HSD17B3: variants seen among roughly 807,000 people sequenced by gnomAD.
HSD17B3 encodes the protein hydroxysteroid 17-beta dehydrogenase 3, also known as 17-beta-hydroxysteroid dehydrogenase type 3.
In HSD17B3, 29 loss-of-function variants were observed where a neutral mutation model predicts 41.1. The observed-to-expected ratio is 0.71, with a 90% CI of 0.53 to 0.96. The LOEUF is 0.96. HSD17B3 is among the 40% of genes least tolerant of loss of function. The probability of loss-of-function intolerance (pLI) is 0.00; values close to 1 mark genes in which losing one functional copy is unlikely to be tolerated. For synonymous variants in HSD17B3, 126 were observed against 145.6 expected (o/e 0.87, Z 0.97); for missense variants, 323 against 374.6 (o/e 0.86, Z 1.14).
chr9:96,273,909 T>C (rs1388784456), intron 2 of HSD17B3, among the ~76,000 whole-genome samples: 1 of 152,040 alleles, frequency 6.6e-6, no homozygotes, highest in African/African-American at 2.4e-5. Flanking sequence ...CACTCAACCA[T>C]AGGTGAGGGT....
At chr9:96,275,655 T>C (rs1376464371) in intron 2 of HSD17B3, among the ~76,000 whole-genome samples, 1 of 151,974 alleles carries the variant, frequency 6.6e-6, no homozygotes, top group Non-Finnish European at 1.5e-5. Flanking sequence ...GGAGTTTTTG[T>C]ATGTAATTAA....
chr9:96,286,146 C>T (rs542212352), intron 2 of HSD17B3, among the ~76,000 whole-genome samples: 8 of 152,270 alleles, frequency 5.3e-5, no homozygotes, highest in African/African-American at 1.7e-4. Context: ...GAGTTCAAGA[C>T]CAGCCTGGCC....
At chr9:96,276,107 T>TAAA (rs57386167) in intron 2 of HSD17B3, among the ~76,000 whole-genome samples, 581 of 40,848 alleles carry the variant, frequency 0.014, 62 homozygotes, top group Admixed American at 0.033. Context: ...TCCTGTCTCA[T>TAAA]AAAAAAAAAA....
intron 2 of HSD17B3, among the ~76,000 whole-genome samples, chr9:96,282,337 A>C (rs1826732166): frequency 6.6e-6 from 1 of 152,234 alleles, no homozygotes; most frequent in Non-Finnish European, 1.5e-5. Flanking sequence ...GAAAAGTAAA[A>C]AGTGTAATGT....
chr9:96,246,481 C>T (rs1836667103), intron 7 of HSD17B3, 75 bp downstream of exon 7: 2 of 1,268,198 alleles, frequency 1.6e-6, no homozygotes, highest in Middle Eastern at 2.0e-4. Context: ...GACTCTGTGT[C>T]CCCAGTCCCT....
At chr9:96,280,557 A>G (rs774483974) in intron 2 of HSD17B3, among the ~76,000 whole-genome samples, 4 of 152,162 alleles carry the variant, frequency 2.6e-5, no homozygotes, top group Non-Finnish European at 4.4e-5. Context: ...AGAGTTTAAT[A>G]TGAAGAAACC....
intron 3 of HSD17B3, among the ~76,000 whole-genome samples, chr9:96,254,208 C>T (rs1189355055): frequency 6.6e-6 from 1 of 152,008 alleles, no homozygotes; most frequent in African/African-American, 2.4e-5. Flanking sequence ...AGTGTACAAC[C>T]TCCACATCCT....
intron 2 of HSD17B3, among the ~76,000 whole-genome samples, chr9:96,265,215 T>C (rs914799271): frequency 1.3e-5 from 2 of 152,210 alleles, no homozygotes; most frequent in Non-Finnish European, 2.9e-5. Context: ...CCAGGTGACA[T>C]GGTCAATAGC....
At chr9:96,272,405 C>CTCTCTCTCTCTCTCTCTA (rs1239816824) in intron 2 of HSD17B3, among the ~76,000 whole-genome samples, 8 of 21,526 alleles carry the variant, frequency 3.7e-4, no homozygotes, top group African/African-American at 4.8e-4. Flanking sequence ...CTCTCTCTCT[C>CTCTCTCTCTCTCTCTCTA]TATATATATA....
At chr9:96,282,866 T>C (rs970686346) in intron 2 of HSD17B3, among the ~76,000 whole-genome samples, 15 of 152,112 alleles carry the variant, frequency 9.9e-5, no homozygotes, top group African/African-American at 3.6e-4. Flanking sequence ...TTTTGGAAGG[T>C]TTGTGAAAAA....
At position 96,289,260 on chromosome 9, in the gene HSD17B3, G is replaced by A. The variant is rs74739131; in HGVS notation, c.201+9156C>T. 0.016 allele frequency among the ~76,000 whole-genome samples: 2,370 copies of A among 152,070 alleles called. 193 individuals carry two copies. In the East Asian group the frequency reaches 0.24, roughly 16 times the overall value. On this transcript the variant is annotated intron_variant, in intron 2 of 10. Transcript: ENST00000375263. The stretch of plus-strand genomic sequence containing the variant: ...GGAAGTGGGTAATGGGGGAGACTGC[G>A]TGTGTGGGGGCAGAAGGCCTATGGG...
At chr9:96,279,239 A>G (rs553898372) in intron 2 of HSD17B3, among the ~76,000 whole-genome samples, 1 of 152,308 alleles carries the variant, frequency 6.6e-6, no homozygotes, top group East Asian at 1.9e-4. Flanking sequence ...CATATACCCA[A>G]GGTGGTTGGG....
chr9:96,249,835 TCTC>T lies in HSD17B3; in HGVS notation c.454-52_454-50del, dbSNP rs762490361. ...ACATCAGCCGGATGATTAGAGAAATTCTCCTGGAAAGTAGTTGGTGCTAAAGAA... is the reference window on the plus strand; with the variant it reads ...ACATCAGCCGGATGATTAGAGAAATTCTGGAAAGTAGTTGGTGCTAAAGAA... On this transcript the variant is annotated intron_variant, in intron 5 of 10. Coordinates refer to ENST00000375263, the MANE Select transcript of HSD17B3 (RefSeq NM_000197.2). 4 of 1,613,606 alleles carry T rather than the reference TCTC, an allele frequency of 2.5e-6. No homozygotes were observed. In the Admixed American group the frequency reaches 6.7e-5, roughly 27 times the overall value.
At chr9:96,245,305 A>G in intron 8 of HSD17B3, 40 bp downstream of exon 8, 2 of 1,472,566 alleles carry the variant, frequency 1.4e-6, no homozygotes, top group Non-Finnish European at 1.9e-6. Flanking sequence ...GAGAAATAAG[A>G]GGAAGAAGGA....
chr9:96,284,927 C>A (rs909763125), intron 2 of HSD17B3, among the ~76,000 whole-genome samples: 13 of 151,998 alleles, frequency 8.6e-5, no homozygotes, highest in African/African-American at 3.1e-4. Context: ...CAACCTCTAC[C>A]TCCTCAGTTC....
chr9:96,290,440 T>C (rs991283387), intron 2 of HSD17B3, among the ~76,000 whole-genome samples: 1 of 144,038 alleles, frequency 6.9e-6, no homozygotes, highest in Non-Finnish European at 1.5e-5. Context: ...GGAAGGGCAC[T>C]GTGGTATTTC....
intron 2 of HSD17B3, among the ~76,000 whole-genome samples, chr9:96,266,292 G>A (rs762666042): frequency 6.6e-6 from 1 of 152,060 alleles, no homozygotes; most frequent in Non-Finnish European, 1.5e-5. Context: ...AATTGTTTTT[G>A]GAGACAGTCT....
chr9:96,255,622 G>A (rs538588403), intron 2 of HSD17B3, among the ~76,000 whole-genome samples: 3 of 151,886 alleles, frequency 2.0e-5, no homozygotes, highest in East Asian at 3.9e-4. Flanking sequence ...ACTCCTGACC[G>A]CATGTGATCC....
chr9:96,255,095 T>G, intron 2 of HSD17B3, 152 bp from the exon 3 acceptor site: 1 of 732,350 alleles, frequency 1.4e-6, no homozygotes, highest in East Asian at 2.7e-5. Flanking sequence ...TGACAAAGCT[T>G]TCTGGGCTAG....
Sources: allele counts gnomAD v4.1 joint callset (sites outside exome capture counted in the v4.1 genomes callset), GRCh38; gene constraint gnomAD v4.1.1; transcripts MANE v1.5; gene names NCBI Gene and HGNC (gene_info 2026-07-23, HGNC 2026-07-21).